The following GPR160 variants were observed in gnomAD, a reference collection of about 807,000 sequenced individuals.
GPR160 encodes probable G protein-coupled receptor 160.
In GPR160, 2 loss-of-function variants were observed where a neutral mutation model predicts 2.6. That is an observed-to-expected ratio of 0.77 (90% confidence interval 0.32 to 2.44). GPR160 has a LOEUF of 2.44. Among genes scored for constraint, GPR160 ranks in the 30% most tolerant of loss-of-function variants. The pLI is 0.11. For synonymous variants in GPR160, 130 were observed against 132.2 expected, an observed-to-expected ratio of 0.98 and a Z score of 0.12; for missense variants, 351 against 383.6, an observed-to-expected ratio of 0.91 and a Z score of 0.71.
chr3:170,062,535 A>T (rs1237301412), intron 2 of GPR160: 1 of 683,802 alleles, frequency 1.5e-6, no homozygotes, highest in East Asian at 2.9e-5. Context: ...CACGAAGCCC[A>T]AGCACAGAAG....
Position 170,069,251 on chromosome 3 carries a change from G to A in GPR160, c.-192-10523G>A, listed in dbSNP as rs147956646. On this transcript the variant is annotated intron_variant, in intron 2 of 3. Transcript: ENST00000355897. ...CCTAACTGCTTATTTCATTTGCAAC[G>A]AATCTATCTGTTTTTATCCCCATCT... Among the ~76,000 whole-genome samples the A allele has an allele frequency of 8.0e-3, 1,218 of 152,330 alleles. 7 individuals carry two copies. Among genetic ancestry groups the A allele is most frequent in the Non-Finnish European group, 0.012 (834 of 68,032 alleles).
At chr3:170,062,067 A>G (rs1377791129) in intron 2 of GPR160, among the ~76,000 whole-genome samples, 1 of 152,236 alleles carries the variant, frequency 6.6e-6, no homozygotes, top group Non-Finnish European at 1.5e-5. Flanking sequence ...TATTCAATCA[A>G]CATGCCATCC....
chr3:170,084,593 G>A lies in GPR160; in HGVS notation c.621G>A (p.Leu207=), dbSNP rs1420134306. 1.9e-6 allele frequency: 3 copies of A among 1,613,028 alleles called. No individual in the cohort carries two copies. Among genetic ancestry groups the A allele is most frequent in the Non-Finnish European group, 2.5e-6 (3 of 1,179,106 alleles). Residue 207 remains leucine (L), a synonymous_variant, in exon 4 of 4, where the codon TTG becomes TTA. Transcript: ENST00000355897. ...FITCWEEVTT[L]VQAIRITSYM... is the part of the protein sequence containing the mutation. Reference sequence around the variant, plus strand: ...CCTGTTGGGAAGAAGTTACTACTTTGGTACAGGCTATCAGGATAACTTCCT... The same window carrying A: ...CCTGTTGGGAAGAAGTTACTACTTTAGTACAGGCTATCAGGATAACTTCCT...
At chr3:170,076,931 G>A (rs540166286) in intron 2 of GPR160, among the ~76,000 whole-genome samples, 8 of 152,256 alleles carry the variant, frequency 5.3e-5, no homozygotes, top group East Asian at 1.9e-4. Context: ...ACTGAAGAAC[G>A]TGAGCTTTGA....
chr3:170,040,611 G>T (rs1716406835), intron 2 of GPR160, among the ~76,000 whole-genome samples: 1 of 152,190 alleles, frequency 6.6e-6, no homozygotes, highest in East Asian at 1.9e-4. Context: ...AAACGTGTTA[G>T]CAGTTTTTCC....
intron 2 of GPR160, among the ~76,000 whole-genome samples, chr3:170,064,222 G>T (rs1160646054): frequency 6.6e-6 from 1 of 152,114 alleles, no homozygotes; most frequent in Non-Finnish European, 1.5e-5. Context: ...TTTTCCCCGC[G>T]TCCTGCTGGG....
chr3:170,078,342 G>T (rs896222209), intron 2 of GPR160, among the ~76,000 whole-genome samples: 4 of 152,090 alleles, frequency 2.6e-5, no homozygotes, highest in African/African-American at 9.7e-5. Flanking sequence ...ACCGGGTAAA[G>T]GTGCCACAGA....
At chr3:170,064,409 G>A (rs1235806817) in intron 2 of GPR160, among the ~76,000 whole-genome samples, 4 of 152,042 alleles carry the variant, frequency 2.6e-5, no homozygotes, top group African/African-American at 7.2e-5. Flanking sequence ...CGAGACCCCC[G>A]GGAATCTAAG....
intron 2 of GPR160, among the ~76,000 whole-genome samples, chr3:170,071,749 T>A (rs1712606347): frequency 6.6e-6 from 1 of 152,088 alleles, no homozygotes; most frequent in African/African-American, 2.4e-5. Context: ...TGAGCTGAGA[T>A]CACGCCACTG....
chr3:170,065,845 G>C (rs909520725), intron 2 of GPR160, among the ~76,000 whole-genome samples: 3 of 151,918 alleles, frequency 2.0e-5, no homozygotes, highest in Non-Finnish European at 4.4e-5. Flanking sequence ...AATGTTCATA[G>C]TAGGAAAAAA....
chr3:170,076,352 C>T (rs906105877), intron 2 of GPR160, among the ~76,000 whole-genome samples: 9 of 151,314 alleles, frequency 5.9e-5, no homozygotes, highest in Non-Finnish European at 1.0e-4. Context: ...AGTTGAGTGA[C>T]TTTTTTTTTC....
chr3:170,074,998 G>A (rs1192752499), intron 2 of GPR160, among the ~76,000 whole-genome samples: 2 of 152,114 alleles, frequency 1.3e-5, no homozygotes, highest in African/African-American at 4.8e-5. Flanking sequence ...GGCCAAGGTG[G>A]GCAGATCACT....
At chr3:170,070,850 G>A (rs1054526552) in intron 2 of GPR160, among the ~76,000 whole-genome samples, 3 of 152,050 alleles carry the variant, frequency 2.0e-5, no homozygotes, top group Non-Finnish European at 2.9e-5. Context: ...ATTAATTCCA[G>A]GTTTTTACTT....
In GPR160 at chr3:170,038,109, A is replaced by T. The variant is rs11541853; in HGVS notation, c.-428A>T. On this transcript the variant is annotated 5_prime_UTR_variant, in exon 1 of 4. Coordinates refer to ENST00000355897, the MANE Select transcript of GPR160 (RefSeq NM_014373.3). This position sits in a 1 kb window ranked among gnomAD's most constrained non-coding sequence, Gnocchi z 5.3. The stretch of plus-strand genomic sequence containing the variant: ...GGGCGGGGCGGGGCGGGGCGGGACC[A>T]GGCGGGCGAGCTGGGCCCTCGCCCC... The T allele has an allele frequency of 0.33, 50,487 of 152,456 alleles. 8,669 individuals are homozygous for T. Among genetic ancestry groups the T allele is most frequent in the East Asian group, 0.51 (2,606 of 5,108 alleles). 9.4% of individuals were successfully genotyped at this position (152,456 alleles called of 1,614,324 possible). A position where few individuals can be genotyped will look rare whatever the true frequency, so the allele number is the denominator to read the frequency against.
At chr3:170,079,601 C>G (rs954774821) in intron 2 of GPR160, among the ~76,000 whole-genome samples, 173 bp from the exon 3 acceptor site, 1 of 152,094 alleles carries the variant, frequency 6.6e-6, no homozygotes, top group Non-Finnish European at 1.5e-5. Flanking sequence ...CCAAGTATCC[C>G]CTTTCTTCCT....
intron 2 of GPR160, among the ~76,000 whole-genome samples, chr3:170,049,575 C>T (rs1197183071): frequency 6.6e-6 from 1 of 152,242 alleles, no homozygotes; most frequent in Non-Finnish European, 1.5e-5. Context: ...CCCTCCCAGA[C>T]ACTGGGTAGT....
intron 2 of GPR160, among the ~76,000 whole-genome samples, chr3:170,071,260 C>G (rs1490731150): frequency 1.3e-5 from 2 of 152,142 alleles, no homozygotes; most frequent in Admixed American, 6.5e-5. Flanking sequence ...CCCTCATGAA[C>G]GGCTTGGCAC....
At chr3:170,071,663 G>T (rs1015185132) in intron 2 of GPR160, among the ~76,000 whole-genome samples, 2 of 152,166 alleles carry the variant, frequency 1.3e-5, no homozygotes, top group African/African-American at 2.4e-5. Context: ...GGGCATGGTG[G>T]TACATGCCTG....
chr3:170,058,750 G>T (rs936220433), intron 2 of GPR160, among the ~76,000 whole-genome samples: 3 of 152,138 alleles, frequency 2.0e-5, no homozygotes, highest in African/African-American at 7.2e-5. Flanking sequence ...TGTACAGAAG[G>T]TTGTTCATCG....
Sources: gnomAD v4.1 joint callset for allele counts (sites outside exome capture counted in the v4.1 genomes callset) on GRCh38, gnomAD v4.1.1 for gene constraint, Gnocchi (gnomAD v3.1) non-coding constraint, MANE v1.5 for transcripts, NCBI Gene and HGNC (gene_info 2026-07-23, HGNC 2026-07-21) for gene names.